The following CDKN2A variants were observed in gnomAD, a reference collection of about 807,000 sequenced individuals.
The protein encoded by CDKN2A is cyclin dependent kinase inhibitor 2A, also known as cyclin-dependent kinase inhibitor 2A.
In CDKN2A, 3 loss-of-function variants were observed where a neutral mutation model predicts 11.1. The ratio of observed to expected loss-of-function variants is 0.27; its 90% confidence interval spans 0.12 to 0.70. CDKN2A has a LOEUF of 0.70. Among genes scored for constraint, CDKN2A ranks in the 30% least tolerant of loss-of-function variants. CDKN2A has a pLI of 0.77. For missense variants in CDKN2A, 265 were observed against 233.6 expected, an observed-to-expected ratio of 1.13 and a Z score of -0.88; for synonymous variants, 122 against 108.1, an observed-to-expected ratio of 1.13 and a Z score of -0.80.
At position 21,968,690 on chromosome 9, in the gene CDKN2A, G is replaced by T. The variant is rs1197443140; in HGVS notation, c.458-448C>A. On this transcript the variant is annotated intron_variant, in intron 2 of 2. Transcript: ENST00000304494. The surrounding 1 kb of genome is among the most constrained non-coding windows in gnomAD (Gnocchi z 4.7). ...TTGCGATAACCAAAGGGCGCCTCAG[G>T]CTCTGGCGCTCCTCGGCGGAATCCC... The T allele has an allele frequency of 6.5e-7, 1 of 1,536,034 alleles. No homozygotes were observed. Among genetic ancestry groups the T allele is most frequent in the African/African-American group, 1.4e-5 (1 of 73,060 alleles).
chr9:21,990,562 C>A (rs1046003042), intron 2 of CDKN2A, among the ~76,000 whole-genome samples: 2 of 145,960 alleles, frequency 1.4e-5, no homozygotes, highest in South Asian at 4.4e-4. Flanking sequence ...TATCACCAAA[C>A]TTTTTCCCAA....
In CDKN2A at chr9:21,974,107, C is replaced by T. The variant is rs1819905915; in HGVS notation, c.150+571G>A. ...GGTTTCACCTGTTGGCCAGGCTGGT[C>T]TCGAACTCCCGACCTCAGGTGATTC... On this transcript the variant is annotated intron_variant, in intron 1 of 2. Coordinates refer to ENST00000304494, the MANE Select transcript of CDKN2A (RefSeq NM_000077.5). The surrounding 1 kb of genome is among the most constrained non-coding windows in gnomAD (Gnocchi z 5.2). Among the ~76,000 whole-genome samples the T allele has an allele frequency of 6.6e-6, 1 of 152,168 alleles. No homozygotes were observed. Among genetic ancestry groups the T allele is most frequent in the South Asian group, 2.1e-4 (1 of 4,834 alleles).
chr9:21,988,130 CAT>C lies in CDKN2A; in HGVS notation c.-4+5750_-4+5751del, dbSNP rs772718412. On this transcript the variant is annotated intron_variant, in intron 2 of 3. Coordinates refer to the CDKN2A transcript ENST00000494262. The surrounding 1 kb of genome is among the most constrained non-coding windows in gnomAD (Gnocchi z 4.1). The stretch of plus-strand genomic sequence containing the variant: ...TAGTTTCAATTTGCTTAAGAGATTA[CAT>C]GTCTTTGTTCATGTAATTCTGAACC... Among the ~76,000 whole-genome samples, 56 of 152,262 alleles carry C rather than the reference CAT, an allele frequency of 3.7e-4. No individual in the cohort carries two copies. Among genetic ancestry groups the C allele is most frequent in the Admixed American group, 6.5e-4 (10 of 15,296 alleles).
At chr9:21,972,823 T>A (rs574591150) in intron 1 of CDKN2A, among the ~76,000 whole-genome samples, 13 of 152,316 alleles carry the variant, frequency 8.5e-5, no homozygotes, top group Admixed American at 3.3e-4. Flanking sequence ...ATGGTGGAAG[T>A]AGACAATTTA....
At chr9:21,977,743 C>T (rs1308016360), upstream of CDKN2A, among the ~76,000 whole-genome samples, 1 of 152,022 alleles carries the variant, frequency 6.6e-6, no homozygotes, top group Non-Finnish European at 1.5e-5. Flanking sequence ...ATACCTTCTT[C>T]TCAAAAAAGA....
chr9:21,992,923 G>A (rs1005697328), intron 2 of CDKN2A, among the ~76,000 whole-genome samples: 12 of 151,884 alleles, frequency 7.9e-5, no homozygotes, highest in African/African-American at 2.9e-4. Context: ...TCCTTTATAA[G>A]CTCCTTTGAC....
chr9:21,973,148 G>T (rs1819856753), intron 1 of CDKN2A, among the ~76,000 whole-genome samples: 1 of 151,852 alleles, frequency 6.6e-6, no homozygotes, highest in Non-Finnish European at 1.5e-5. Context: ...AGCCTTAAAG[G>T]TTTTTCTTAT....
chr9:21,979,275 AT>A (rs1295769605), upstream of CDKN2A, among the ~76,000 whole-genome samples: 1 of 152,206 alleles, frequency 6.6e-6, no homozygotes, highest in African/African-American at 2.4e-5. Flanking sequence ...AAAAACTAGG[AT>A]AATGGGATGG....
chr9:21,971,440 CA>C, intron 1 of CDKN2A: 1 of 1,343,354 alleles, frequency 7.4e-7, no homozygotes, highest in Middle Eastern at 2.7e-4. Context: ...TCGTCACAGG[CA>C]GAGAGCACTG....
Position 21,991,602 on chromosome 9 carries a change from T to G in CDKN2A, c.-4+2280A>C. 1.0e-6 allele frequency: 1 copy of G among 965,488 alleles called. No individual in the cohort carries two copies. Among genetic ancestry groups the G allele is most frequent in the Non-Finnish European group, 1.2e-6 (1 of 812,096 alleles). The allele number at this position is 965,488 out of a possible 1,614,324, so 59.8% of individuals were successfully genotyped here. On this transcript the variant is annotated intron_variant, in intron 2 of 3. Coordinates refer to the CDKN2A transcript ENST00000494262. This position sits in a 1 kb window ranked among gnomAD's most constrained non-coding sequence, Gnocchi z 5.2. ...ATTTGTATCACTTTAGTAATAGGAG[T>G]TTTTCATATGTTGGGAAAATGGTTT...
At position 21,994,122 on chromosome 9, in the gene CDKN2A, T is replaced by G. The variant is rs778691942; in HGVS notation, c.-175-69A>C. The G allele has an allele frequency of 1.9e-6, 3 of 1,599,338 alleles. No homozygotes were observed. The highest frequency in any genetic ancestry group is 2.5e-6 in the Non-Finnish European group (3 of 1,179,492). On this transcript the variant is annotated intron_variant, in intron 1 of 3. Transcript: ENST00000494262. ...AAGTGCCGAATGCGCCCCGGACTTT[T>G]CGAGGGCCTTTCCTACCTGGTCTTC... is the stretch of plus-strand genomic sequence containing the variant.
At chr9:21,978,581 T>C (rs1340598113), upstream of CDKN2A, among the ~76,000 whole-genome samples, 2 of 152,196 alleles carry the variant, frequency 1.3e-5, no homozygotes, top group African/African-American at 2.4e-5. Context: ...TGGTTATTGT[T>C]ATTATTATTC....
At chr9:21,992,853 C>A (rs56235436) in intron 2 of CDKN2A, among the ~76,000 whole-genome samples, 3,894 of 152,082 alleles carry the variant, frequency 0.026, 116 homozygotes, top group African/African-American at 0.068. Flanking sequence ...AAAACAACAA[C>A]CAGGGTCTTG....
At chr9:21,971,575 A>T (rs192266838) in intron 1 of CDKN2A, among the ~76,000 whole-genome samples, 37 of 111,390 alleles carry the variant, frequency 3.3e-4, no homozygotes, top group African/African-American at 8.7e-4. Flanking sequence ...AGGCCTGGAG[A>T]TTTTTTTTTT....
intron 2 of CDKN2A, among the ~76,000 whole-genome samples, chr9:21,993,426 A>G (rs1820485083): frequency 6.6e-6 from 1 of 152,220 alleles, no homozygotes; most frequent in Non-Finnish European, 1.5e-5. Flanking sequence ...GGGATTTCTC[A>G]GGAACAGTTC....
In CDKN2A at chr9:21,982,233, T is replaced by G. The variant is rs1189737926; in HGVS notation, c.-3-11025A>C. ...TTAAGTCACAATTTTCAACCTTAGT[T>G]TCCAAAATGTTAACTGGGTATAGAA... On this transcript the variant is annotated intron_variant, in intron 2 of 3. Transcript: ENST00000494262. Among the ~76,000 whole-genome samples the G allele has an allele frequency of 3.9e-5, 6 of 152,176 alleles. 1 individual carries two copies. Among genetic ancestry groups the G allele is most frequent in the East Asian group, 3.9e-4 (2 of 5,192 alleles).
At chr9:21,982,263 C>A (rs751339868) in intron 2 of CDKN2A, among the ~76,000 whole-genome samples, 3 of 152,100 alleles carry the variant, frequency 2.0e-5, no homozygotes, top group Non-Finnish European at 2.9e-5. Flanking sequence ...ATAGAATTAG[C>A]AGTACCTATT....
Position 21,994,353 on chromosome 9 carries a change from G to A in CDKN2A, c.-175-300C>T, listed in dbSNP as rs1460467871. On this transcript the variant is annotated intron_variant, in intron 1 of 3. Transcript: ENST00000494262. ...CCATGTTCTCGCCGCCTCCAGGGCC[G>A]AGCTCGGCAGCCGCTGCGCCGCCCT... The A allele has an allele frequency of 3.1e-6, 5 of 1,606,672 alleles. No individual in the cohort carries two copies. Among genetic ancestry groups the A allele is most frequent in the Non-Finnish European group, 3.4e-6 (4 of 1,178,480 alleles).
rs1820425851 is a variant in CDKN2A, at chr9:21,991,388, G to C, written c.-4+2494C>G. On this transcript the variant is annotated intron_variant, in intron 2 of 3. Transcript: ENST00000494262. The surrounding 1 kb of genome is among the most constrained non-coding windows in gnomAD (Gnocchi z 5.2). ...ATTCTTCTTCTTCCTATGTGGCCCA[G>C]GGAAGGTAAAAGATTGAACACCCCT... Among the ~76,000 whole-genome samples the C allele has an allele frequency of 6.6e-6, 1 of 151,950 alleles. No homozygotes were observed. The highest frequency in any genetic ancestry group is 1.5e-5 in the Non-Finnish European group (1 of 68,002).
Sources: allele counts gnomAD v4.1 joint callset (sites outside exome capture counted in the v4.1 genomes callset), GRCh38; gene constraint gnomAD v4.1.1; non-coding constraint Gnocchi (gnomAD v3.1); transcripts MANE v1.5; gene names NCBI Gene and HGNC (gene_info 2026-07-23, HGNC 2026-07-21).